The following MORC3 variants were observed in gnomAD, a reference collection of about 807,000 sequenced individuals.
The protein encoded by MORC3 is MORC family CW-type zinc finger 3.
A neutral mutation model predicts 109.1 loss-of-function variants in MORC3; 31 were observed. The observed-to-expected ratio is 0.28, with a 90% CI of 0.21 to 0.38. The LOEUF is 0.38. Among genes scored for constraint, MORC3 ranks in the 10% least tolerant of loss-of-function variants. MORC3 has a pLI of 1.00. For synonymous variants in MORC3, 395 were observed against 380.7 expected (o/e 1.04, Z -0.44); for missense variants, 867 against 1,135.8 (o/e 0.76, Z 3.40).
chr21:36,332,376 C>T (rs1291084802), intron 1 of MORC3, among the ~76,000 whole-genome samples: 1 of 152,118 alleles, frequency 6.6e-6, no homozygotes, highest in East Asian at 1.9e-4. Context: ...GCGGAGGTTG[C>T]AGTCAGCCGA....
intron 1 of MORC3, among the ~76,000 whole-genome samples, chr21:36,327,097 C>A (rs1016676804): frequency 1.4e-5 from 2 of 147,326 alleles, no homozygotes; most frequent in South Asian, 4.4e-4. Flanking sequence ...TTACAGCAGG[C>A]GTGAGCCAGC....
chr21:36,325,585 C>G (rs1451058395), intron 1 of MORC3, among the ~76,000 whole-genome samples: 1 of 152,186 alleles, frequency 6.6e-6, no homozygotes, highest in East Asian at 1.9e-4. Flanking sequence ...GAAACTAAAA[C>G]CCTGTTCCCG....
At position 36,369,308 on chromosome 21, in the gene MORC3, T is replaced by C; in HGVS notation, c.1940T>C (p.Leu647Ser). 1 of 1,614,140 alleles carries C rather than the reference T, an allele frequency of 6.2e-7. No individual in the cohort carries two copies. Among genetic ancestry groups the C allele is most frequent in the Middle Eastern group, 1.6e-4 (1 of 6,062 alleles). Residue 647 changes from leucine (L) to serine (S), a missense_variant, in exon 15 of 17, where the codon TTA becomes TCA. Physicochemically the swap from Leu to Ser is moderately radical, Grantham distance 145 (BLOSUM62 -2). Coordinates refer to ENST00000400485, the MANE Select transcript of MORC3 (RefSeq NM_015358.3). ...TAATQTEVPS[L>S]VVKKEETVED... is the part of the protein sequence containing the mutation. ...GCTACCCAGACTGAAGTACCAAGTT[T>C]AGTTGTTAAAAAAGAAGAAACTGTT...
At chr21:36,337,688 T>C (rs1268892000) in intron 3 of MORC3, 44 bp from the exon 4 acceptor site, 4 of 1,194,636 alleles carry the variant, frequency 3.3e-6, no homozygotes, top group Non-Finnish European at 4.6e-6. Flanking sequence ...TATTTATTTT[T>C]GATTATAGGT....
chr21:36,353,084 C>T (rs1202654795), intron 9 of MORC3, among the ~76,000 whole-genome samples: 1 of 151,854 alleles, frequency 6.6e-6, no homozygotes, highest in Non-Finnish European at 1.5e-5. Context: ...ATAGGCCGGG[C>T]ATGGTGGCTC....
intron 14 of MORC3, among the ~76,000 whole-genome samples, chr21:36,366,961 A>G (rs2085788158): frequency 6.6e-6 from 1 of 152,214 alleles, no homozygotes. Context: ...GGAGGATGGT[A>G]GAAACCAGTT....
intron 1 of MORC3, among the ~76,000 whole-genome samples, chr21:36,333,041 C>T (rs2085333894): frequency 6.6e-6 from 1 of 152,178 alleles, no homozygotes; most frequent in South Asian, 2.1e-4. Flanking sequence ...CCCGCCTCGG[C>T]CTCCCAAAGT....
intron 9 of MORC3, among the ~76,000 whole-genome samples, chr21:36,353,337 CAG>C (rs541247746): frequency 9.2e-6 from 1 of 109,280 alleles, no homozygotes; most frequent in East Asian, 3.1e-4. Flanking sequence ...AGTTTGGTGA[CAG>C]AGAGAGACTC....
intron 15 of MORC3, 111 bp from the exon 16 acceptor site, chr21:36,372,263 T>C: frequency 1.1e-6 from 1 of 916,208 alleles, no homozygotes; most frequent in African/African-American, 1.7e-5. Context: ...TATTTGTTTT[T>C]TGATAGTTGA....
In MORC3 at chr21:36,356,650, G is replaced by A. The variant is rs746756507; in HGVS notation, c.1134G>A (p.Leu378=). Residue 378 remains leucine, a synonymous_variant, in exon 10 of 17, where the codon CTG becomes CTA. Transcript: ENST00000400485. ...RLTITALGEK[L]NDYWNEMKVK... is the part of the protein sequence containing the mutation. Reference sequence around the variant, plus strand: ...CAATAACAGCACTAGGAGAAAAGCTGAATGATTACTGGAATGAAATGAAAG... The same window carrying A: ...CAATAACAGCACTAGGAGAAAAGCTAAATGATTACTGGAATGAAATGAAAG... The A allele has an allele frequency of 3.7e-6, 6 of 1,605,120 alleles. No homozygotes were observed. The South Asian group carries it at 6.7e-5, about 18-fold the overall frequency.
intron 8 of MORC3, chr21:36,347,727 G>C (rs2085525600): frequency 6.6e-6 from 1 of 152,180 alleles, no homozygotes; most frequent in Non-Finnish European, 1.5e-5. Flanking sequence ...ATGAGTCTCA[G>C]TTGATTTCAC....
intron 6 of MORC3, 133 bp downstream of exon 6, chr21:36,341,679 TC>T (rs1345278615): frequency 7.9e-7 from 1 of 1,272,080 alleles, no homozygotes; most frequent in Non-Finnish European, 1.1e-6. Flanking sequence ...GACATGATTT[TC>T]CCTGGCCCAC....
intron 1 of MORC3, among the ~76,000 whole-genome samples, chr21:36,327,795 T>C (rs967873061): frequency 2.1e-5 from 3 of 145,780 alleles, no homozygotes; most frequent in Non-Finnish European, 4.4e-5. Flanking sequence ...ACTGAAATTT[T>C]AGCATGGGTG....
At chr21:36,346,170 G>A (rs1267123605) in intron 8 of MORC3, among the ~76,000 whole-genome samples, 1 of 152,114 alleles carries the variant, frequency 6.6e-6, no homozygotes, top group Non-Finnish European at 1.5e-5. Flanking sequence ...ACTGGCGTGT[G>A]CCGCTATGCC....
intron 1 of MORC3, among the ~76,000 whole-genome samples, chr21:36,329,243 C>T (rs1036731641): frequency 2.0e-5 from 3 of 151,288 alleles, no homozygotes; most frequent in Admixed American, 6.6e-5. Flanking sequence ...TGCAGTGAGC[C>T]GAGATTATGT....
chr21:36,321,990 T>C (rs998197208), intron 1 of MORC3, among the ~76,000 whole-genome samples: 2 of 152,172 alleles, frequency 1.3e-5, no homozygotes, highest in Non-Finnish European at 2.9e-5. Flanking sequence ...TTGTGGGTAA[T>C]ATGGGCTGTT....
At chr21:36,354,768 G>T (rs1393643512) in intron 9 of MORC3, among the ~76,000 whole-genome samples, 1 of 152,162 alleles carries the variant, frequency 6.6e-6, no homozygotes, top group Non-Finnish European at 1.5e-5. Flanking sequence ...TCAGTTTGTT[G>T]TCTGGGCACT....
At chr21:36,328,217 G>C (rs992440478) in intron 1 of MORC3, among the ~76,000 whole-genome samples, 1 of 151,662 alleles carries the variant, frequency 6.6e-6, no homozygotes, top group African/African-American at 2.4e-5. Context: ...CATTTGATAT[G>C]ATCAAAAATG....
rs138456986 is a variant in MORC3 at position 36,335,982 on chromosome 21, A to G, written c.113-892A>G. Among the ~76,000 whole-genome samples the G allele has an allele frequency of 6.3e-3, 956 of 151,240 alleles. 10 individuals are homozygous for G. Among genetic ancestry groups the G allele is most frequent in the African/African-American group, 0.022 (909 of 41,188 alleles). ...CTCTTGTTGCCCAGGCTCGAGTGCAATGGCGCTATCTCAGCTCATTGCAAC... is the reference window on the plus strand; with the variant it reads ...CTCTTGTTGCCCAGGCTCGAGTGCAGTGGCGCTATCTCAGCTCATTGCAAC... On this transcript the variant is annotated intron_variant, in intron 2 of 16. Coordinates refer to ENST00000400485, the MANE Select transcript of MORC3 (RefSeq NM_015358.3).
Sources: gnomAD v4.1 joint callset for allele counts (sites outside exome capture counted in the v4.1 genomes callset) on GRCh38, gnomAD v4.1.1 for gene constraint, MANE v1.5 for transcripts, NCBI Gene and HGNC (gene_info 2026-07-23, HGNC 2026-07-21) for gene names.